CPVL: variants seen among roughly 807,000 people sequenced by gnomAD.
The protein encoded by CPVL is probable serine carboxypeptidase CPVL.
Under a neutral mutation model 63.7 loss-of-function variants are expected in CPVL, and 51 were observed. That is an observed-to-expected ratio of 0.80 (90% CI 0.64 to 1.01). The LOEUF is 1.01. CPVL is among the 50% of genes least tolerant of loss of function. The pLI is 0.00. For synonymous variants in CPVL, 195 were observed against 206.0 expected, an observed-to-expected ratio of 0.95 and a Z score of 0.46; for missense variants, 530 against 573.1, an observed-to-expected ratio of 0.92 and a Z score of 0.77.
At chr7:28,994,816 C>T (rs1197931737), downstream of CPVL, among the ~76,000 whole-genome samples, 3 of 152,170 alleles carry the variant, frequency 2.0e-5, no homozygotes, top group Non-Finnish European at 4.4e-5. Context: ...TCCAGTGAGC[C>T]AGTTCATAGA....
intron 11 of CPVL, among the ~76,000 whole-genome samples, chr7:29,038,257 G>A (rs1788739713): frequency 6.6e-6 from 1 of 152,140 alleles, no homozygotes; most frequent in East Asian, 1.9e-4. Context: ...TTTGGAGGGT[G>A]ATTAGGGGAT....
chr7:29,107,367 C>G (rs1787819498), intron 3 of CPVL, among the ~76,000 whole-genome samples: 1 of 152,166 alleles, frequency 6.6e-6, no homozygotes, highest in African/African-American at 2.4e-5. Flanking sequence ...CAATCCACAT[C>G]CTGATTTGGA....
At chr7:29,188,197 A>G (rs1380698500) in intron 1 of CPVL, among the ~76,000 whole-genome samples, 1 of 152,238 alleles carries the variant, frequency 6.6e-6, no homozygotes, top group Non-Finnish European at 1.5e-5. Flanking sequence ...CTGGACTTTT[A>G]TGCTTTAGAC....
At chr7:29,010,964 G>C (rs532267022) in intron 12 of CPVL, 14 of 152,154 alleles carry the variant, frequency 9.2e-5, no homozygotes, top group Non-Finnish European at 1.5e-4. Flanking sequence ...GGTAGAGCAG[G>C]GATCTATTCC....
At chr7:29,181,648 T>C (rs1798067303) in intron 4 of CPVL, among the ~76,000 whole-genome samples, 1 of 152,210 alleles carries the variant, frequency 6.6e-6, no homozygotes, top group African/African-American at 2.4e-5. Flanking sequence ...GGAAAGTAGC[T>C]TTATTATGGC....
At chr7:29,130,464 G>T (rs1023485255) in intron 1 of CPVL, among the ~76,000 whole-genome samples, 2 of 152,080 alleles carry the variant, frequency 1.3e-5, no homozygotes, top group Non-Finnish European at 1.5e-5. Context: ...GGAAAGTCTG[G>T]GTTAAATACA....
In CPVL at chr7:29,030,750, A is replaced by G. The variant is rs1350476171; in HGVS notation, c.1147T>C (p.Tyr383His). The G allele has an allele frequency of 1.9e-6, 3 of 1,603,768 alleles. No homozygotes were observed. The highest frequency in any genetic ancestry group is 1.7e-4 in the Middle Eastern group (1 of 6,002). The change falls in exon 12 of 13, where the codon TAC becomes CAC. Residue 383 changes from tyrosine to histidine, a missense_variant. Coordinates refer to ENST00000265394, the MANE Select transcript of CPVL (RefSeq NM_031311.5). Reference protein sequence around the residue: ...EIMNNYKVLIYNGQLDIIVAA... With the variant: ...EIMNNYKVLIHNGQLDIIVAA... Reference sequence around the variant, plus strand: ...ACGATGATGTCCAGTTGGCCATTGTAGATCAGAACCTGAAATGAAATCAAG... The same window carrying G: ...ACGATGATGTCCAGTTGGCCATTGTGGATCAGAACCTGAAATGAAATCAAG...
upstream of CPVL, among the ~76,000 whole-genome samples, chr7:29,149,789 C>T (rs1184802467): frequency 6.6e-6 from 1 of 152,100 alleles, no homozygotes; most frequent in Non-Finnish European, 1.5e-5. Context: ...CTGCTTCAGC[C>T]TTCCAGGGCT....
At chr7:29,044,352 G>A (rs1318901983) in intron 11 of CPVL, among the ~76,000 whole-genome samples, 1 of 152,156 alleles carries the variant, frequency 6.6e-6, no homozygotes, top group African/African-American at 2.4e-5. Flanking sequence ...GGGAGGTGGA[G>A]GTTGCAGTGA....
At chr7:29,002,694 C>G (rs1784758158) in intron 12 of CPVL, among the ~76,000 whole-genome samples, 1 of 151,602 alleles carries the variant, frequency 6.6e-6, no homozygotes, top group African/African-American at 2.4e-5. Context: ...ACAAGAGAAT[C>G]AAATGGAAGT....
chr7:29,019,123 A>G (rs1786707134), intron 12 of CPVL, among the ~76,000 whole-genome samples: 1 of 152,140 alleles, frequency 6.6e-6, no homozygotes, highest in Non-Finnish European at 1.5e-5. Context: ...AAGACACTAC[A>G]CTATTCCACA....
rs17676582 is a variant in CPVL, at chr7:29,083,075, G to A, written c.609+3409C>T. On this transcript the variant is annotated intron_variant, in intron 7 of 12. Transcript: ENST00000265394. The stretch of plus-strand genomic sequence containing the variant: ...GGAGAGGTTCTAAGTTGTCCTGACT[G>A]CATAACTGGCTTAAAAAAACCTAAA... Among the ~76,000 whole-genome samples the A allele has an allele frequency of 9.9e-3, 1,509 of 152,238 alleles. 11 individuals are homozygous for A. The highest frequency in any genetic ancestry group is 0.027 in the Middle Eastern group (8 of 294).
intron 12 of CPVL, among the ~76,000 whole-genome samples, chr7:29,022,887 T>C (rs1316905131): frequency 6.6e-6 from 1 of 152,234 alleles, no homozygotes; most frequent in Non-Finnish European, 1.5e-5. Flanking sequence ...TCCAGAGGCC[T>C]AGAGATCAAT....
intron 5 of CPVL, among the ~76,000 whole-genome samples, chr7:29,176,168 A>C (rs1797305928): frequency 6.6e-6 from 1 of 151,752 alleles, no homozygotes; most frequent in African/African-American, 2.4e-5. Flanking sequence ...CCTAGGCGAC[A>C]GAGCAAGACT....
chr7:29,180,336 A>G (rs1488708361), intron 5 of CPVL, among the ~76,000 whole-genome samples: 2 of 152,158 alleles, frequency 1.3e-5, no homozygotes, highest in African/African-American at 4.8e-5. Context: ...GACCGTCCTG[A>G]CTAACACGGT....
chr7:29,128,170 T>TA (rs1790246510), intron 1 of CPVL: 2 of 122,736 alleles, frequency 1.6e-5, no homozygotes, highest in African/African-American at 3.2e-5. Context: ...AACAAAAAGT[T>TA]AAGAGTTTTT....
chr7:29,030,259 A>G (rs935627312), intron 12 of CPVL, among the ~76,000 whole-genome samples: 4 of 152,162 alleles, frequency 2.6e-5, no homozygotes, highest in African/African-American at 9.7e-5. Context: ...CTTCCTTTAT[A>G]ATTTGCCAAG....
chr7:29,047,495 A>T (rs160858), intron 11 of CPVL, among the ~76,000 whole-genome samples: 11,352 of 152,210 alleles, frequency 0.075, 483 homozygotes, highest in South Asian at 0.13. Flanking sequence ...ATAAATTTTT[A>T]AAAAATAAGA....
chr7:29,145,797 C>G (rs1365025083), intron 1 of CPVL: 1 of 152,170 alleles, frequency 6.6e-6, no homozygotes, highest in Non-Finnish European at 1.5e-5. Context: ...AAGGCCAGAA[C>G]TGGGATTTAA....
Sources: gnomAD v4.1 joint callset for allele counts (sites outside exome capture counted in the v4.1 genomes callset) on GRCh38, gnomAD v4.1.1 for gene constraint, MANE v1.5 for transcripts, NCBI Gene and HGNC (gene_info 2026-07-23, HGNC 2026-07-21) for gene names.